The following ANK3 variants were observed in gnomAD, a reference collection of about 807,000 sequenced individuals.
The protein encoded by ANK3 is ankyrin-3.
In ANK3, 57 loss-of-function variants were observed where a neutral mutation model predicts 370.9. That is an observed-to-expected ratio of 0.15 (90% CI 0.12 to 0.19). The LOEUF (loss-of-function observed/expected upper bound fraction) is 0.19, where lower values mean the gene tolerates loss of function less well. Among genes scored for constraint, ANK3 ranks in the 10% least tolerant of loss-of-function variants. The pLI is 1.00. For synonymous variants in ANK3, 1,929 were observed against 1,946.3 expected (o/e 0.99, Z 0.23); for missense variants, 4,439 against 5,302.1 (o/e 0.84, Z 5.06).
chr10:60,089,642 G>T (rs1167119879), intron 28 of ANK3, among the ~76,000 whole-genome samples: 1 of 151,908 alleles, frequency 6.6e-6, no homozygotes, highest in Admixed American at 6.6e-5. Context: ...GGTTTGTGAC[G>T]GAGAATTTAT....
At chr10:60,221,237 G>A (rs918488341) in intron 8 of ANK3, among the ~76,000 whole-genome samples, 3 of 151,858 alleles carry the variant, frequency 2.0e-5, no homozygotes, top group East Asian at 3.9e-4. Context: ...CTGCCACCAC[G>A]CCTGGCTAAT....
chr10:60,126,766 T>C (rs1390664519), intron 25 of ANK3, among the ~76,000 whole-genome samples: 1 of 152,220 alleles, frequency 6.6e-6, no homozygotes, highest in Non-Finnish European at 1.5e-5. Flanking sequence ...ATTTTCTCTT[T>C]TGTTAATATT....
chr10:60,432,943 G>C (rs1485660154), intron 2 of ANK3, among the ~76,000 whole-genome samples: 1 of 152,068 alleles, frequency 6.6e-6, no homozygotes, highest in African/African-American at 2.4e-5. Context: ...CCATCATCAA[G>C]AGTCCCCTTC....
At chr10:60,587,901 T>G (rs935850760) in intron 2 of ANK3, among the ~76,000 whole-genome samples, 1 of 152,092 alleles carries the variant, frequency 6.6e-6, no homozygotes, top group East Asian at 1.9e-4. Context: ...TTTTAGAATT[T>G]TTGTGATCCT....
At chr10:60,363,659 G>A (rs1287386490) in intron 1 of ANK3, among the ~76,000 whole-genome samples, 1 of 152,002 alleles carries the variant, frequency 6.6e-6, no homozygotes, top group Non-Finnish European at 1.5e-5. Context: ...AAATTATAAG[G>A]GCACAGCCCA....
At chr10:60,193,995 C>T (rs2096541950) in intron 16 of ANK3, among the ~76,000 whole-genome samples, 1 of 151,970 alleles carries the variant, frequency 6.6e-6, no homozygotes, top group Non-Finnish European at 1.5e-5. Flanking sequence ...GTGGCACACA[C>T]CTGTAATCCC....
intron 7 of ANK3, among the ~76,000 whole-genome samples, chr10:60,260,470 G>A (rs944452022): frequency 1.3e-5 from 2 of 152,072 alleles, no homozygotes; most frequent in Non-Finnish European, 2.9e-5. Flanking sequence ...AAGAAGTGAG[G>A]GTTCAGCAAA....
chr10:60,643,382 C>T (rs950131893), intron 1 of ANK3, among the ~76,000 whole-genome samples: 8 of 152,078 alleles, frequency 5.3e-5, no homozygotes, highest in Non-Finnish European at 1.0e-4. Context: ...TGCTGCCCTC[C>T]GACTCCAAGC....
At chr10:60,493,965 T>C (rs1386863900) in intron 2 of ANK3, among the ~76,000 whole-genome samples, 2 of 152,200 alleles carry the variant, frequency 1.3e-5, no homozygotes, top group Non-Finnish European at 2.9e-5. Flanking sequence ...ATATTAATCA[T>C]GATAATATCA....
intron 2 of ANK3, among the ~76,000 whole-genome samples, chr10:60,534,650 G>A (rs989399160): frequency 6.6e-6 from 1 of 152,092 alleles, no homozygotes; most frequent in African/African-American, 2.4e-5. Flanking sequence ...CTTCTCAGAA[G>A]CTTGTCAGTT....
intron 1 of ANK3, among the ~76,000 whole-genome samples, chr10:60,298,487 C>G (rs1214917516): frequency 1.3e-5 from 2 of 152,102 alleles, no homozygotes; most frequent in Non-Finnish European, 2.9e-5. Context: ...CCAGCAAAAC[C>G]CAGTACAGCA....
Position 60,026,980 on chromosome 10 carries a change from CA to C in ANK3, c.*2865del. 1 of 152,102 alleles carries C rather than the reference CA, an allele frequency of 6.6e-6. No homozygotes were observed. The highest frequency in any genetic ancestry group is 1.5e-5 in the Non-Finnish European group (1 of 68,022). 9.4% of individuals were successfully genotyped at this position (152,102 alleles called of 1,614,324 possible). On this transcript the variant is annotated 3_prime_UTR_variant, in exon 44 of 44. Transcript: ENST00000280772. ...TAATGTCACATTCAATCTACATATA[CA>C]TGTATAAATATATGCATATACACAC...
chr10:60,237,070 G>T (rs1325083227), intron 7 of ANK3, among the ~76,000 whole-genome samples: 2 of 152,258 alleles, frequency 1.3e-5, no homozygotes, highest in Admixed American at 6.5e-5. Context: ...GCTTTCGACT[G>T]TGTATAACAG....
chr10:60,140,687 G>A, intron 23 of ANK3: 1 of 1,256,646 alleles, frequency 8.0e-7, no homozygotes, highest in Non-Finnish European at 1.0e-6. Context: ...CTTCTGATTG[G>A]ATTAAAAACT....
At chr10:60,448,283 A>G (rs2064504581) in intron 2 of ANK3, among the ~76,000 whole-genome samples, 1 of 152,222 alleles carries the variant, frequency 6.6e-6, no homozygotes, top group Non-Finnish European at 1.5e-5. Flanking sequence ...GAAAAGCCAA[A>G]ATAATTATAT....
chr10:60,181,731 G>A (rs1366462591), intron 17 of ANK3, among the ~76,000 whole-genome samples: 2 of 151,994 alleles, frequency 1.3e-5, no homozygotes, highest in Non-Finnish European at 2.9e-5. Context: ...GTTTGAGCTC[G>A]GTAGGTGGAG....
At chr10:60,645,317 A>G (rs1301534029) in intron 1 of ANK3, among the ~76,000 whole-genome samples, 1 of 152,220 alleles carries the variant, frequency 6.6e-6, no homozygotes. Flanking sequence ...TCCACTTGTT[A>G]TTCTAAAAAT....
chr10:60,453,015 T>G (rs1299598066), intron 2 of ANK3, among the ~76,000 whole-genome samples: 1 of 152,194 alleles, frequency 6.6e-6, no homozygotes, highest in African/African-American at 2.4e-5. Context: ...TGAAAGAAAC[T>G]CTGCAAGTCC....
chr10:60,201,276 T>C (rs978316472), intron 12 of ANK3, among the ~76,000 whole-genome samples: 1 of 152,234 alleles, frequency 6.6e-6, no homozygotes, highest in Non-Finnish European at 1.5e-5. Context: ...AGCTGGCCTA[T>C]TTCTATCTTT....
Sources: allele counts gnomAD v4.1 joint callset (sites outside exome capture counted in the v4.1 genomes callset), GRCh38; gene constraint gnomAD v4.1.1; transcripts MANE v1.5; gene names NCBI Gene and HGNC (gene_info 2026-07-23, HGNC 2026-07-21).